Variants in GPC6 observed in about 807,000 individuals in gnomAD.
The protein encoded by GPC6 is glypican 6, also known as glypican-6.
GPC6 carries 14 observed loss-of-function variants against 55.2 expected under a neutral mutation model. The ratio of observed to expected loss-of-function variants is 0.25; its 90% CI spans 0.17 to 0.40. The LOEUF (loss-of-function observed/expected upper bound fraction) is 0.40, where lower values mean the gene tolerates loss of function less well. Among genes scored for constraint, GPC6 ranks in the 10% least tolerant of loss-of-function variants. The pLI, the probability that GPC6 is intolerant of heterozygous loss-of-function variation, is 1.00. For missense variants in GPC6, 641 were observed against 708.5 expected (o/e 0.90, Z 1.08); for synonymous variants, 278 against 259.6 (o/e 1.07, Z -0.68).
At chr13:93,606,480 T>C (rs1878243894) in intron 2 of GPC6, among the ~76,000 whole-genome samples, 1 of 152,206 alleles carries the variant, frequency 6.6e-6, no homozygotes, top group Admixed American at 6.5e-5. Context: ...CTGACAAAGG[T>C]ATTCTTGTTT....
intron 2 of GPC6, among the ~76,000 whole-genome samples, chr13:93,812,767 C>G (rs1434091967): frequency 6.6e-6 from 1 of 152,298 alleles, no homozygotes; most frequent in South Asian, 2.1e-4. Context: ...ATAGTGCTTA[C>G]TATGTGCTGT....
chr13:93,583,611 T>TGA (rs1398960243), intron 2 of GPC6, among the ~76,000 whole-genome samples: 1 of 152,112 alleles, frequency 6.6e-6, no homozygotes, highest in Non-Finnish European at 1.5e-5. Flanking sequence ...GAGATGGAGT[T>TGA]CCACCATGTT....
chr13:93,295,290 CAAAAAAAAAA>C (rs67379652), intron 1 of GPC6, among the ~76,000 whole-genome samples: 118 of 66,692 alleles, frequency 1.8e-3, no homozygotes, highest in African/African-American at 8.8e-3. Context: ...GACCCTGTCT[CAAAAAAAAAA>C]AAAAAAAAAA....
intron 1 of GPC6, among the ~76,000 whole-genome samples, chr13:93,341,407 C>T (rs1199205031): frequency 6.6e-6 from 1 of 152,158 alleles, no homozygotes; most frequent in Non-Finnish European, 1.5e-5. Flanking sequence ...ATGCCAACAT[C>T]TATTGTTTTT....
At chr13:94,047,051 A>G (rs1279199052) in intron 4 of GPC6, among the ~76,000 whole-genome samples, 3 of 152,172 alleles carry the variant, frequency 2.0e-5, no homozygotes, top group African/African-American at 4.8e-5. Flanking sequence ...CTATTTGAAT[A>G]GAACGAATCA....
At chr13:93,433,925 C>T (rs1386585134) in intron 1 of GPC6, among the ~76,000 whole-genome samples, 1 of 152,200 alleles carries the variant, frequency 6.6e-6, no homozygotes, top group African/African-American at 2.4e-5. Flanking sequence ...AGTGAGTTCA[C>T]GCTATGTATA....
intron 4 of GPC6, among the ~76,000 whole-genome samples, chr13:94,172,165 A>T (rs1888591550): frequency 6.6e-6 from 1 of 152,162 alleles, no homozygotes; most frequent in Non-Finnish European, 1.5e-5. Context: ...TGGAATCATT[A>T]TAATCAAATC....
intron 3 of GPC6, among the ~76,000 whole-genome samples, chr13:93,976,442 A>T (rs1880520398): frequency 6.6e-6 from 1 of 151,926 alleles, no homozygotes; most frequent in African/African-American, 2.4e-5. Context: ...AAAAATACAC[A>T]TTTTTGCCTA....
chr13:93,234,956 A>C (rs1387297237), intron 1 of GPC6, among the ~76,000 whole-genome samples: 1 of 152,144 alleles, frequency 6.6e-6, no homozygotes, highest in African/African-American at 2.4e-5. Context: ...ATCAAAATAC[A>C]TGTAATCAGC....
At chr13:93,844,128 C>G (rs561480712) in intron 3 of GPC6, among the ~76,000 whole-genome samples, 3 of 152,164 alleles carry the variant, frequency 2.0e-5, no homozygotes, top group Admixed American at 2.0e-4. Flanking sequence ...TATTGGCCAT[C>G]ATTTGGTGTA....
intron 1 of GPC6, among the ~76,000 whole-genome samples, chr13:93,250,050 G>A (rs1446709545): frequency 1.3e-5 from 2 of 152,134 alleles, no homozygotes; most frequent in African/African-American, 4.8e-5. Flanking sequence ...ACTTGCTGTG[G>A]TGCAGTGGCT....
At chr13:93,291,718 A>G (rs2139080936) in intron 1 of GPC6, among the ~76,000 whole-genome samples, 1 of 152,226 alleles carries the variant, frequency 6.6e-6, no homozygotes, top group Non-Finnish European at 1.5e-5. Context: ...AAAATGAACT[A>G]ATGTTCCATC....
chr13:93,789,606 T>TATATAATACTAC (rs1555331676), intron 2 of GPC6, among the ~76,000 whole-genome samples: 2 of 18,236 alleles, frequency 1.1e-4, no homozygotes, highest in African/African-American at 3.4e-4. Context: ...TACATATATA[T>TATATAATACTAC]ATATATATAT....
chr13:94,093,676 G>C (rs1052406040), intron 4 of GPC6, among the ~76,000 whole-genome samples: 13 of 152,076 alleles, frequency 8.5e-5, no homozygotes, highest in Admixed American at 2.0e-4. Context: ...CATTGAATCT[G>C]TAGATCACTT....
rs538254288 is a variant in GPC6 at position 94,167,450 on chromosome 13, C to A, written c.878-118899C>A. On this transcript the variant is annotated intron_variant, in intron 4 of 8. Coordinates refer to ENST00000377047, the MANE Select transcript of GPC6 (RefSeq NM_005708.5). Reference sequence around the variant, plus strand: ...CCCTACCTCATTATGTTTAAATGGTCATCTAAGAAATTATGGATACTATAT... The same window carrying A: ...CCCTACCTCATTATGTTTAAATGGTAATCTAAGAAATTATGGATACTATAT... Among the ~76,000 whole-genome samples the A allele has an allele frequency of 2.0e-5, 3 of 152,214 alleles. No individual in the cohort carries two copies. In the East Asian group the frequency reaches 5.8e-4, roughly 29 times the overall value.
intron 1 of GPC6, among the ~76,000 whole-genome samples, chr13:93,246,775 G>A (rs1043259479): frequency 1.0e-5 from 1 of 99,520 alleles, no homozygotes; most frequent in East Asian, 3.3e-4. Flanking sequence ...CTGGGCGGCA[G>A]AGCAAGACTG....
Position 93,308,080 on chromosome 13 carries a change from C to G in GPC6, c.160+80464C>G, listed in dbSNP as rs530023915. Among the ~76,000 whole-genome samples, 19 of 152,110 alleles carry G rather than the reference C, an allele frequency of 1.2e-4. No individual in the cohort carries two copies. In the East Asian group the frequency reaches 2.9e-3, roughly 23 times the overall value. On this transcript the variant is annotated intron_variant, in intron 1 of 8. Coordinates refer to ENST00000377047, the MANE Select transcript of GPC6 (RefSeq NM_005708.5). The stretch of plus-strand genomic sequence containing the variant: ...TGGGCGGATCACGAAGTCAGGAGAT[C>G]GAGACCATCCTGGCTAACATGGTGA...
chr13:94,230,317 G>T (rs1417891508), intron 4 of GPC6, among the ~76,000 whole-genome samples: 4 of 152,068 alleles, frequency 2.6e-5, no homozygotes, highest in Non-Finnish European at 4.4e-5. Flanking sequence ...TGGATTCCCT[G>T]TGCCCAGGGG....
At chr13:93,625,088 AT>A (rs1160594487) in intron 2 of GPC6, among the ~76,000 whole-genome samples, 1 of 152,302 alleles carries the variant, frequency 6.6e-6, no homozygotes, top group African/African-American at 2.4e-5. Flanking sequence ...AGTAAAACAC[AT>A]TGGTTGGAAA....
Sources: allele counts gnomAD v4.1 joint callset (sites outside exome capture counted in the v4.1 genomes callset), GRCh38; gene constraint gnomAD v4.1.1; transcripts MANE v1.5; gene names NCBI Gene and HGNC (gene_info 2026-07-23, HGNC 2026-07-21).